MGA: variants seen among roughly 807,000 people sequenced by gnomAD.
MGA encodes MAX gene-associated protein.
A neutral mutation model predicts 261.1 loss-of-function variants in MGA; 40 were observed. That is an observed-to-expected ratio of 0.15 (90% confidence interval 0.12 to 0.20). The LOEUF (loss-of-function observed/expected upper bound fraction) is 0.20, where lower values mean the gene tolerates loss of function less well. Among genes scored for constraint, MGA ranks in the 10% least tolerant of loss-of-function variants. The probability of loss-of-function intolerance (pLI) is 1.00; values close to 1 mark genes in which losing one functional copy is unlikely to be tolerated. For missense variants in MGA, 3,397 were observed against 3,630.5 expected (o/e 0.94, Z 1.65); for synonymous variants, 1,302 against 1,290.6 (o/e 1.01, Z -0.19).
chr15:41,753,863 GCATCA>G (rs2062991194), intron 17 of MGA, among the ~76,000 whole-genome samples: 1 of 152,160 alleles, frequency 6.6e-6, no homozygotes, highest in Admixed American at 6.5e-5. Flanking sequence ...TAACACTGAA[GCATCA>G]GTGCAGTCCT....
In MGA at chr15:41,750,047, T is replaced by G. The variant is rs767620705; in HGVS notation, c.6440T>G (p.Val2147Gly). Reference sequence around the variant, plus strand: ...AAATTTGAATTGTCAGGAAGCAAAGTTATGGAGCAGCAATCTAATCTACAG... The same window carrying G: ...AAATTTGAATTGTCAGGAAGCAAAGGTATGGAGCAGCAATCTAATCTACAG... The change falls in exon 17 of 24, where the codon GTT (valine) becomes GGT (glycine). Residue 2147 changes from valine to glycine, a missense_variant. Val to Gly is a moderately radical substitution (Grantham distance 109). Coordinates refer to ENST00000219905, the MANE Select transcript of MGA (RefSeq NM_001164273.2). The G allele has an allele frequency of 8.1e-6, 13 of 1,613,152 alleles. No homozygotes were observed. The highest frequency in any genetic ancestry group is 1.1e-5 in the Non-Finnish European group (13 of 1,179,666).
At chr15:41,742,306 T>C (rs929566806) in intron 14 of MGA, among the ~76,000 whole-genome samples, 4 of 151,980 alleles carry the variant, frequency 2.6e-5, no homozygotes, top group South Asian at 2.1e-4. Flanking sequence ...GGAGAATTGC[T>C]TGAACCTGGG....
rs754394163 is a variant in MGA at position 41,696,822 on chromosome 15, G to T, written c.1812G>T (p.Gln604His). The T allele has an allele frequency of 6.2e-7, 1 of 1,600,368 alleles. No homozygotes were observed. Among genetic ancestry groups the T allele is most frequent in the South Asian group, 1.1e-5 (1 of 88,740 alleles). The change falls in exon 3 of 24, where the codon CAG becomes CAT. Residue 604 changes from glutamine to histidine, a missense_variant. By Grantham distance (24) the Gln-to-His change is conservative. Around this residue, in one of 9 missense-constraint regions of MGA, gnomAD observed 563 missense variants for 563.6 expected, o/e 1.00. Transcript: ENST00000219905. ...CCGCAAAGGTAGTGAATGCTAATCA[G>T]AATGCCTCTCCAAATGTCCCTGGAA...
chr15:41,719,206 A>G (rs1480111030), intron 9 of MGA, among the ~76,000 whole-genome samples: 3 of 152,242 alleles, frequency 2.0e-5, no homozygotes, highest in African/African-American at 7.2e-5. Flanking sequence ...TAAAACCTAT[A>G]TACTAAAAAC....
intron 5 of MGA, among the ~76,000 whole-genome samples, chr15:41,705,464 C>T (rs1410169276): frequency 6.6e-6 from 1 of 152,212 alleles, no homozygotes. Context: ...TGGGCTCAAG[C>T]AGTCCTCCCA....
Position 41,749,369 on chromosome 15 carries a change from A to G in MGA, c.5762A>G (p.Lys1921Arg). The change falls in exon 17 of 24, where the codon AAA becomes AGA. Residue 1921 changes from lysine to arginine, a missense_variant. Lys to Arg is a conservative substitution (Grantham distance 26). This residue lies in a region of MGA where 1,410 missense variants were observed against 1,386.4 expected (regional missense o/e 1.02). Transcript: ENST00000219905. Reference sequence around the variant, plus strand: ...GCAAGTAAAACAGGCTCTGAAACCAAAATAACTTATAGCTCAGGAGGACAG... The same window carrying G: ...GCAAGTAAAACAGGCTCTGAAACCAGAATAACTTATAGCTCAGGAGGACAG... The G allele has an allele frequency of 1.9e-6, 3 of 1,614,008 alleles. No individual in the cohort carries two copies. Among genetic ancestry groups the G allele is most frequent in the Non-Finnish European group, 2.5e-6 (3 of 1,179,888 alleles).
intron 5 of MGA, 100 bp from the exon 6 acceptor site, chr15:41,707,628 T>G (rs2151441270): frequency 8.8e-7 from 1 of 1,142,824 alleles, no homozygotes; most frequent in Middle Eastern, 2.3e-4. Context: ...CTCTCGACCT[T>G]ACCCCCCCGC....
rs2062327727 is a variant in MGA at position 41,744,584 on chromosome 15, G to A, written c.5212+1412G>A. ...TGATTAATCTGATACATACTTTTGG[G>A]AGTGAAGTCATTAGTGAAGCTACTT... is the stretch of plus-strand genomic sequence containing the variant. On this transcript the variant is annotated intron_variant, in intron 15 of 23. Coordinates refer to ENST00000219905, the MANE Select transcript of MGA (RefSeq NM_001164273.2). 2.6e-5 allele frequency among the ~76,000 whole-genome samples: 4 copies of A among 152,234 alleles called. No homozygotes were observed. The South Asian group carries it at 8.3e-4, about 32-fold the overall frequency.
At chr15:41,750,841 T>G in intron 17 of MGA, 1 of 430,856 alleles carries the variant, frequency 2.3e-6, no homozygotes, top group Non-Finnish European at 4.1e-6. Context: ...AAGGCTGGCT[T>G]AAATATTTGG....
chr15:41,737,934 T>G (rs1046778648), intron 13 of MGA, among the ~76,000 whole-genome samples: 21 of 149,270 alleles, frequency 1.4e-4, no homozygotes, highest in South Asian at 2.1e-4. Context: ...GAGCTGAGAT[T>G]GTGCCACTGT....
chr15:41,695,260 C>T (rs966528728), intron 2 of MGA, among the ~76,000 whole-genome samples: 16 of 151,848 alleles, frequency 1.1e-4, no homozygotes, highest in African/African-American at 3.6e-4. Flanking sequence ...ACAATCTCGG[C>T]TCTCTGCAAC....
chr15:41,712,543 A>G (rs1249329909), intron 8 of MGA, among the ~76,000 whole-genome samples: 2 of 152,082 alleles, frequency 1.3e-5, no homozygotes, highest in South Asian at 4.1e-4. Context: ...TTTACTTTCC[A>G]TTTTGTAATT....
In MGA at chr15:41,752,899, AC is replaced by A. The variant is rs200868343; in HGVS notation, c.7009-1537del. Among the ~76,000 whole-genome samples, 163 of 152,286 alleles carry A rather than the reference AC, an allele frequency of 1.1e-3. 3 individuals carry two copies. The East Asian group carries it at 0.028, about 26-fold the overall frequency. ...ATACAAGGAGGCATTGCTTGAATGTACTAATAGGGAATTTGACAAGCAAACA... is the reference window on the plus strand; with the variant it reads ...ATACAAGGAGGCATTGCTTGAATGTATAATAGGGAATTTGACAAGCAAACA... On this transcript the variant is annotated intron_variant, in intron 17 of 23. Transcript: ENST00000219905.
intron 1 of MGA, among the ~76,000 whole-genome samples, chr15:41,628,985 A>C (rs999719934): frequency 6.6e-6 from 1 of 151,620 alleles, no homozygotes; most frequent in African/African-American, 2.4e-5. Flanking sequence ...TAAAAAATAC[A>C]AAAAAAATTA....
At chr15:41,747,449 G>T (rs1036985495) in intron 15 of MGA, among the ~76,000 whole-genome samples, 3 of 152,054 alleles carry the variant, frequency 2.0e-5, no homozygotes, top group Admixed American at 2.0e-4. Context: ...AACATAAGAG[G>T]CCAGGCACAT....
chr15:41,757,876 A>G (rs1172965229), intron 19 of MGA, 37 bp downstream of exon 19: 1 of 1,520,928 alleles, frequency 6.6e-7, no homozygotes, highest in Non-Finnish European at 9.1e-7. Context: ...TACTCATTGA[A>G]TAAAATTGTT....
intron 21 of MGA, 65 bp from the exon 22 acceptor site, chr15:41,762,064 G>C: frequency 7.5e-7 from 1 of 1,328,228 alleles, no homozygotes; most frequent in East Asian, 2.4e-5. Flanking sequence ...CTAGATTTCT[G>C]TTGACTCTGT....
intron 17 of MGA, chr15:41,752,411 T>C (rs1303027166): frequency 2.0e-5 from 3 of 152,214 alleles, no homozygotes; most frequent in African/African-American, 4.8e-5. Flanking sequence ...TTAGGAGTTA[T>C]ATTGCTGATT....
At chr15:41,723,086 A>T (rs1038201002) in intron 9 of MGA, among the ~76,000 whole-genome samples, 3 of 152,092 alleles carry the variant, frequency 2.0e-5, no homozygotes, top group Non-Finnish European at 4.4e-5. Context: ...CTTTGTTAAA[A>T]CTGATTTCTA....
Sources: gnomAD v4.1 joint callset for allele counts (sites outside exome capture counted in the v4.1 genomes callset) on GRCh38, gnomAD v4.1.1 for gene constraint, gnomAD v4.1.1 regional missense constraint, MANE v1.5 for transcripts, NCBI Gene and HGNC (gene_info 2026-07-23, HGNC 2026-07-21) for gene names.